PTPRD: variants seen among roughly 807,000 people sequenced by gnomAD.
PTPRD encodes receptor-type tyrosine-protein phosphatase delta.
In PTPRD, 34 loss-of-function variants were observed where a neutral mutation model predicts 214.5. The ratio of observed to expected loss-of-function variants is 0.16; its 90% CI spans 0.12 to 0.21. The LOEUF (loss-of-function observed/expected upper bound fraction) is 0.21. PTPRD is among the 10% of genes least tolerant of loss of function. The pLI is 1.00. For synonymous variants in PTPRD, 1,128 were observed against 845.7 expected, an observed-to-expected ratio of 1.33 and a Z score of -5.79; for missense variants, 2,545 against 2,398.7, an observed-to-expected ratio of 1.06 and a Z score of -1.27.
chr9:9,957,443 T>C lies in PTPRD; in HGVS notation c.-471-18833A>G, dbSNP rs796160895. On this transcript the variant is annotated intron_variant, in intron 4 of 45. Coordinates refer to ENST00000381196, the MANE Select transcript of PTPRD (RefSeq NM_002839.4). The stretch of plus-strand genomic sequence containing the variant: ...GAAAAAACAGATAAACAAGGTAAAA[T>C]GTTACAAGAGAGCAAGCATATTTAC... Among the ~76,000 whole-genome samples, 10 of 152,096 alleles carry C rather than the reference T, an allele frequency of 6.6e-5. 1 individual carries two copies. Among genetic ancestry groups the C allele is most frequent in the African/African-American group, 2.4e-4 (10 of 41,526 alleles).
At position 10,086,018 on chromosome 9, in the gene PTPRD, T is replaced by C. The variant is rs567476937; in HGVS notation, c.-544-52228A>G. Among the ~76,000 whole-genome samples the C allele has an allele frequency of 5.7e-4, 87 of 151,932 alleles. 1 individual carries two copies. The South Asian group carries it at 0.015, about 27-fold the overall frequency. ...GTGGTGGTGCAATTTAATGACTATA[T>C]GACCAATTCAATTCAATATATAGAA... On this transcript the variant is annotated intron_variant, in intron 3 of 45. Transcript: ENST00000381196.
rs890707503 is a variant in PTPRD, at chr9:9,783,347, G to A, written c.-367-16496C>T. On this transcript the variant is annotated intron_variant, in intron 5 of 45. Coordinates refer to ENST00000381196, the MANE Select transcript of PTPRD (RefSeq NM_002839.4). The stretch of plus-strand genomic sequence containing the variant: ...CATGAAATATCTGAGCTAATAATTG[G>A]ACTAGGAGAAGTAGAATCTTTCTTT... Among the ~76,000 whole-genome samples, 4 of 152,058 alleles carry A rather than the reference G, an allele frequency of 2.6e-5. No homozygotes were observed. In the South Asian group the frequency reaches 8.3e-4, roughly 31 times the overall value.
At chr9:9,727,208 C>T (rs1282911433) in intron 7 of PTPRD, among the ~76,000 whole-genome samples, 1 of 152,060 alleles carries the variant, frequency 6.6e-6, no homozygotes, top group East Asian at 1.9e-4. Context: ...ATAATTCTGG[C>T]ATTCTGGGTG....
At chr9:9,985,745 T>A (rs2095688183) in intron 4 of PTPRD, among the ~76,000 whole-genome samples, 1 of 151,936 alleles carries the variant, frequency 6.6e-6, no homozygotes. Flanking sequence ...TAAGATATTA[T>A]CATTTATAAT....
intron 3 of PTPRD, among the ~76,000 whole-genome samples, chr9:10,149,679 AAACTG>A (rs1376944866): frequency 2.0e-5 from 3 of 152,124 alleles, no homozygotes; most frequent in African/African-American, 7.2e-5. Flanking sequence ...ATTATCTATA[AAACTG>A]TGGACAATTC....
intron 4 of PTPRD, among the ~76,000 whole-genome samples, chr9:9,997,514 C>T (rs557051019): frequency 6.6e-6 from 1 of 152,192 alleles, no homozygotes; most frequent in East Asian, 1.9e-4. Flanking sequence ...GTCTTGAACT[C>T]CCACCCTCAG....
At chr9:10,050,659 T>C (rs904160863) in intron 3 of PTPRD, among the ~76,000 whole-genome samples, 5 of 142,972 alleles carry the variant, frequency 3.5e-5, no homozygotes, top group African/African-American at 1.3e-4. Context: ...CTTAAGGAAA[T>C]GTTCAAAATA....
chr9:9,571,547 A>G (rs1170052587), intron 8 of PTPRD, among the ~76,000 whole-genome samples: 1 of 150,474 alleles, frequency 6.6e-6, no homozygotes, highest in African/African-American at 2.5e-5. Flanking sequence ...GATGCTGTAG[A>G]ACATTCATAT....
At chr9:8,679,340 A>G (rs1453903164) in intron 12 of PTPRD, among the ~76,000 whole-genome samples, 1 of 152,230 alleles carries the variant, frequency 6.6e-6, no homozygotes, top group Non-Finnish European at 1.5e-5. Flanking sequence ...TCCTATTTCT[A>G]AAACTGCTTC....
chr9:8,968,787 G>A (rs1244637615), intron 11 of PTPRD, among the ~76,000 whole-genome samples: 1 of 151,778 alleles, frequency 6.6e-6, no homozygotes, highest in East Asian at 1.9e-4. Context: ...AAGTTTGTGT[G>A]ACATAGATAT....
At chr9:8,940,280 C>CCTTTTTTT (rs763715400) in intron 11 of PTPRD, among the ~76,000 whole-genome samples, 1 of 89,054 alleles carries the variant, frequency 1.1e-5, no homozygotes, top group African/African-American at 4.4e-5. Flanking sequence ...TCTCTCTCTC[C>CCTTTTTTT]TTTTTTTTTT....
At chr9:9,541,584 G>T (rs2077595450) in intron 8 of PTPRD, among the ~76,000 whole-genome samples, 1 of 151,736 alleles carries the variant, frequency 6.6e-6, no homozygotes, top group South Asian at 2.1e-4. Context: ...CTTTAACAAC[G>T]TTTTAATTAT....
intron 10 of PTPRD, among the ~76,000 whole-genome samples, chr9:9,128,656 T>C (rs2099837859): frequency 6.6e-6 from 1 of 152,252 alleles, no homozygotes; most frequent in African/African-American, 2.4e-5. Context: ...TGAGTGTTCA[T>C]GTATACAATA....
At chr9:9,750,695 A>G (rs1330377972) in intron 6 of PTPRD, among the ~76,000 whole-genome samples, 2 of 152,176 alleles carry the variant, frequency 1.3e-5, no homozygotes, top group African/African-American at 2.4e-5. Context: ...GAAATCTTAA[A>G]TAAGTGAAAC....
intron 11 of PTPRD, among the ~76,000 whole-genome samples, chr9:9,014,449 C>G (rs2099525871): frequency 1.3e-5 from 2 of 152,018 alleles, no homozygotes; most frequent in South Asian, 2.1e-4. Flanking sequence ...ATACTAAATT[C>G]AGTTTTATAA....
At chr9:10,058,960 C>T (rs1164634940) in intron 3 of PTPRD, among the ~76,000 whole-genome samples, 3 of 151,746 alleles carry the variant, frequency 2.0e-5, no homozygotes, top group South Asian at 4.2e-4. Context: ...CTTTTTTTGT[C>T]TCAGTATTGG....
At chr9:10,598,279 C>A (rs534104075) in intron 2 of PTPRD, among the ~76,000 whole-genome samples, 1 of 151,690 alleles carries the variant, frequency 6.6e-6, no homozygotes, top group Admixed American at 6.6e-5. Flanking sequence ...AATTTGCTAG[C>A]TCGAAGTAAA....
chr9:10,249,240 A>G (rs1161269536), intron 3 of PTPRD, among the ~76,000 whole-genome samples: 5 of 152,204 alleles, frequency 3.3e-5, no homozygotes, highest in Non-Finnish European at 7.3e-5. Context: ...GACAAGATCC[A>G]GTGATTGTTC....
chr9:10,349,814 C>G (rs2097151697), intron 2 of PTPRD, among the ~76,000 whole-genome samples: 1 of 152,146 alleles, frequency 6.6e-6, no homozygotes, highest in Non-Finnish European at 1.5e-5. Context: ...GTGCATGCCA[C>G]CATCCCCAGC....
Sources: allele counts gnomAD v4.1 joint callset (sites outside exome capture counted in the v4.1 genomes callset), GRCh38; gene constraint gnomAD v4.1.1; transcripts MANE v1.5; gene names NCBI Gene and HGNC (gene_info 2026-07-23, HGNC 2026-07-21).